CNTN5: variants seen among roughly 807,000 people sequenced by gnomAD.
CNTN5 encodes contactin-5.
A neutral mutation model predicts 129.1 loss-of-function variants in CNTN5; 77 were observed. The observed-to-expected ratio is 0.60, with a 90% CI of 0.50 to 0.72. The LOEUF is 0.72. Ranked by LOEUF, CNTN5 falls within the 30% of genes least tolerant of loss-of-function variation. The probability of loss-of-function intolerance (pLI) is 0.00; values close to 1 mark genes in which losing one functional copy is unlikely to be tolerated. For synonymous variants in CNTN5, 509 were observed against 465.6 expected (o/e 1.09, Z -1.20); for missense variants, 1,478 against 1,328.8 (o/e 1.11, Z -1.75).
At chr11:99,676,290 A>G (rs1953279567) in intron 3 of CNTN5, among the ~76,000 whole-genome samples, 1 of 152,194 alleles carries the variant, frequency 6.6e-6, no homozygotes, top group African/African-American at 2.4e-5. Context: ...GTTATTGTTA[A>G]TTACATCAAT....
intron 1 of CNTN5, among the ~76,000 whole-genome samples, chr11:99,028,456 C>A (rs962318610): frequency 4.0e-5 from 6 of 151,834 alleles, no homozygotes; most frequent in Non-Finnish European, 5.9e-5. Flanking sequence ...TACAGATTTT[C>A]AATATTTCTC....
intron 9 of CNTN5, among the ~76,000 whole-genome samples, chr11:100,034,271 G>T (rs1218042532): frequency 6.6e-6 from 1 of 152,170 alleles, no homozygotes; most frequent in South Asian, 2.1e-4. Context: ...TTAAAAGGGG[G>T]TCTGGCCCAT....
chr11:100,029,590 GA>G (rs1941603244), intron 9 of CNTN5, among the ~76,000 whole-genome samples: 1 of 150,264 alleles, frequency 6.7e-6, no homozygotes, highest in African/African-American at 2.5e-5. Flanking sequence ...CAAAAAAAAA[GA>G]AAAAACATGC....
intron 2 of CNTN5, among the ~76,000 whole-genome samples, chr11:99,339,990 G>A (rs1208642443): frequency 6.6e-6 from 1 of 152,144 alleles, no homozygotes. Flanking sequence ...TAGCAAGCTG[G>A]TGGAGAGTTT....
chr11:100,324,656 C>G (rs1218703007), intron 21 of CNTN5, among the ~76,000 whole-genome samples: 1 of 152,074 alleles, frequency 6.6e-6, no homozygotes, highest in African/African-American at 2.4e-5. Context: ...ATACACTGAA[C>G]TACATGTGTT....
At chr11:99,900,306 T>A (rs1026310889) in intron 6 of CNTN5, among the ~76,000 whole-genome samples, 12 of 152,010 alleles carry the variant, frequency 7.9e-5, no homozygotes, top group African/African-American at 2.9e-4. Flanking sequence ...GGTTTCTAAT[T>A]AAAAATCTTA....
At chr11:99,901,965 C>T (rs1444076181) in intron 6 of CNTN5, among the ~76,000 whole-genome samples, 1 of 152,042 alleles carries the variant, frequency 6.6e-6, no homozygotes, top group Admixed American at 6.6e-5. Flanking sequence ...TCCTGTTACA[C>T]AAGTAAGGAA....
At chr11:99,957,927 A>G (rs1950845035) in intron 8 of CNTN5, among the ~76,000 whole-genome samples, 1 of 151,822 alleles carries the variant, frequency 6.6e-6, no homozygotes, top group Non-Finnish European at 1.5e-5. Context: ...GTATTTATGT[A>G]AACAAGTCTA....
intron 1 of CNTN5, among the ~76,000 whole-genome samples, chr11:99,088,985 A>G (rs1025838307): frequency 6.6e-6 from 1 of 152,162 alleles, no homozygotes; most frequent in Non-Finnish European, 1.5e-5. Context: ...CAACACAAAA[A>G]CACAACTTCT....
intron 6 of CNTN5, among the ~76,000 whole-genome samples, chr11:99,846,324 C>T (rs1323092399): frequency 1.5e-5 from 2 of 137,910 alleles, no homozygotes; most frequent in African/African-American, 5.6e-5. Flanking sequence ...CGCCACCACA[C>T]TCCAGCCTGG....
At chr11:99,487,664 A>G (rs2135337703) in intron 2 of CNTN5, among the ~76,000 whole-genome samples, 1 of 152,358 alleles carries the variant, frequency 6.6e-6, no homozygotes, top group Middle Eastern at 3.4e-3. Flanking sequence ...CACTTGGATC[A>G]TCTCCATTCT....
intron 3 of CNTN5, among the ~76,000 whole-genome samples, chr11:99,753,334 G>C (rs1379945537): frequency 6.6e-6 from 1 of 151,612 alleles, no homozygotes; most frequent in Non-Finnish European, 1.5e-5. Context: ...GTGTTAGCCA[G>C]GATGGTCTCG....
intron 18 of CNTN5, among the ~76,000 whole-genome samples, chr11:100,282,339 T>C (rs534779152): frequency 1.7e-4 from 26 of 152,330 alleles, no homozygotes; most frequent in African/African-American, 4.6e-4. Context: ...TGGAGACTAG[T>C]AGAGGTACTG....
intron 23 of CNTN5, among the ~76,000 whole-genome samples, chr11:100,349,324 C>A (rs1188121576): frequency 1.3e-5 from 2 of 151,880 alleles, no homozygotes; most frequent in African/African-American, 4.8e-5. Flanking sequence ...CAATAATTAT[C>A]TAATTTCCCA....
chr11:99,892,268 C>G (rs1949082493), intron 6 of CNTN5, among the ~76,000 whole-genome samples: 1 of 152,080 alleles, frequency 6.6e-6, no homozygotes. Context: ...TTCTTTCATT[C>G]TGTAGGTTGC....
At chr11:99,031,952 T>A (rs1296299365) in intron 1 of CNTN5, among the ~76,000 whole-genome samples, 4 of 128,652 alleles carry the variant, frequency 3.1e-5, no homozygotes, top group African/African-American at 6.0e-5. Flanking sequence ...GAGTGTGATG[T>A]TCCCTTTCCT....
chr11:100,164,478 T>C (rs1947561265), intron 13 of CNTN5, among the ~76,000 whole-genome samples: 1 of 151,746 alleles, frequency 6.6e-6, no homozygotes, highest in Non-Finnish European at 1.5e-5. Flanking sequence ...ATGGAAAAAT[T>C]CATATTTTAG....
intron 2 of CNTN5, among the ~76,000 whole-genome samples, chr11:99,393,169 C>T (rs1228235779): frequency 2.0e-5 from 3 of 151,780 alleles, no homozygotes; most frequent in Non-Finnish European, 4.4e-5. Flanking sequence ...AATAAAATCT[C>T]CAACTGGAAG....
intron 1 of CNTN5, among the ~76,000 whole-genome samples, chr11:99,100,167 C>A (rs888407078): frequency 1.3e-5 from 2 of 151,992 alleles, no homozygotes; most frequent in African/African-American, 2.4e-5. Flanking sequence ...GAGAGGAAAC[C>A]ACTTATCTTT....
Sources: allele counts gnomAD v4.1 joint callset (sites outside exome capture counted in the v4.1 genomes callset), GRCh38; gene constraint gnomAD v4.1.1; transcripts MANE v1.5; gene names NCBI Gene and HGNC (gene_info 2026-07-23, HGNC 2026-07-21).